The following DOK6 variants were observed in gnomAD, a reference collection of about 807,000 sequenced individuals.
DOK6 encodes the protein docking protein 6.
A neutral mutation model predicts 44.0 loss-of-function variants in DOK6; 22 were observed. That is an observed-to-expected ratio of 0.50 (90% CI 0.36 to 0.71). The LOEUF is 0.71. DOK6 is among the 30% of genes least tolerant of loss of function. The probability of loss-of-function intolerance (pLI) is 0.00; values close to 1 mark genes in which losing one functional copy is unlikely to be tolerated. For missense variants in DOK6, 340 were observed against 416.4 expected, an observed-to-expected ratio of 0.82 and a Z score of 1.60; for synonymous variants, 166 against 145.5, an observed-to-expected ratio of 1.14 and a Z score of -1.01.
chr18:69,733,896 A>T (rs774643785), intron 5 of DOK6, among the ~76,000 whole-genome samples: 1 of 152,124 alleles, frequency 6.6e-6, no homozygotes, highest in Non-Finnish European at 1.5e-5. Context: ...AACAAGAGGA[A>T]TTAGTGTTTT....
At chr18:69,446,191 T>C (rs933938651) in intron 1 of DOK6, among the ~76,000 whole-genome samples, 56 of 148,288 alleles carry the variant, frequency 3.8e-4, no homozygotes, top group African/African-American at 1.3e-3. Context: ...TATCTCCTAA[T>C]GCTATCCCTC....
At chr18:69,493,093 A>G (rs1980782537) in intron 1 of DOK6, among the ~76,000 whole-genome samples, 1 of 152,116 alleles carries the variant, frequency 6.6e-6, no homozygotes. Flanking sequence ...GTCACCAACA[A>G]TATTAAGATC....
intron 3 of DOK6, among the ~76,000 whole-genome samples, chr18:69,651,525 G>C (rs1599242510): frequency 9.0e-6 from 1 of 111,220 alleles, no homozygotes; most frequent in Non-Finnish European, 1.7e-5. Flanking sequence ...GTCTTGCCTT[G>C]TCACCCAGGC....
chr18:69,449,761 C>A (rs1022211171), intron 1 of DOK6, among the ~76,000 whole-genome samples: 120 of 151,660 alleles, frequency 7.9e-4, no homozygotes, highest in Non-Finnish European at 1.3e-3. Flanking sequence ...CCCTGACCCC[C>A]GAGCAGCCTA....
At chr18:69,401,654 C>T (rs1200605905) in intron 1 of DOK6, among the ~76,000 whole-genome samples, 1 of 152,020 alleles carries the variant, frequency 6.6e-6, no homozygotes, top group Admixed American at 6.5e-5. Flanking sequence ...ATGGTCTGTT[C>T]TCAAAAGTGT....
intron 1 of DOK6, among the ~76,000 whole-genome samples, chr18:69,523,263 A>G (rs1981736918): frequency 6.6e-6 from 1 of 152,132 alleles, no homozygotes; most frequent in Non-Finnish European, 1.5e-5. Flanking sequence ...ACAGACAGAT[A>G]CATTTTCATC....
intron 2 of DOK6, among the ~76,000 whole-genome samples, chr18:69,590,817 A>G (rs530713702): frequency 6.6e-6 from 1 of 152,254 alleles, no homozygotes; most frequent in South Asian, 2.1e-4. Flanking sequence ...TAATGTGAAG[A>G]GGAAGGAATA....
chr18:69,786,123 C>A (rs1171220688), intron 7 of DOK6, among the ~76,000 whole-genome samples: 1 of 152,070 alleles, frequency 6.6e-6, no homozygotes, highest in Non-Finnish European at 1.5e-5. Context: ...ATATTTATTT[C>A]TTAATGGTTT....
chr18:69,831,889 T>C (rs1345290607), intron 7 of DOK6, among the ~76,000 whole-genome samples: 2 of 152,356 alleles, frequency 1.3e-5, no homozygotes, highest in East Asian at 3.9e-4. Flanking sequence ...ATTGATTTTG[T>C]ATCCTGCAAC....
intron 6 of DOK6, among the ~76,000 whole-genome samples, chr18:69,755,736 G>A (rs1979334181): frequency 6.6e-6 from 1 of 152,204 alleles, no homozygotes; most frequent in Non-Finnish European, 1.5e-5. Context: ...GTTAGGTCCG[G>A]GGTAAAACTG....
chr18:69,496,003 G>A (rs1423427362), intron 1 of DOK6, among the ~76,000 whole-genome samples: 1 of 152,208 alleles, frequency 6.6e-6, no homozygotes. Context: ...TCTGAAACTT[G>A]CGGGGGGAGA....
chr18:69,540,674 A>G (rs1403110296), intron 1 of DOK6, among the ~76,000 whole-genome samples: 2 of 152,134 alleles, frequency 1.3e-5, no homozygotes, highest in African/African-American at 2.4e-5. Context: ...TAGTTTTTCA[A>G]TGATTACGGT....
chr18:69,577,021 G>A (rs1174042041), intron 2 of DOK6, among the ~76,000 whole-genome samples: 2 of 152,012 alleles, frequency 1.3e-5, no homozygotes, highest in African/African-American at 2.4e-5. Flanking sequence ...GCTTGTATTG[G>A]GACCAATCTC....
chr18:69,755,204 T>C (rs1979315615), intron 6 of DOK6, among the ~76,000 whole-genome samples: 1 of 152,158 alleles, frequency 6.6e-6, no homozygotes, highest in South Asian at 2.1e-4. Flanking sequence ...AAGCAAATCA[T>C]GTGGAAGAGT....
At chr18:69,542,717 C>T (rs1982301698) in intron 1 of DOK6, among the ~76,000 whole-genome samples, 1 of 151,154 alleles carries the variant, frequency 6.6e-6, no homozygotes, top group Non-Finnish European at 1.5e-5. Flanking sequence ...CGTTTCATTT[C>T]AAGGGAGCTT....
At chr18:69,721,921 A>T (rs1434518012) in intron 5 of DOK6, among the ~76,000 whole-genome samples, 1 of 152,232 alleles carries the variant, frequency 6.6e-6, no homozygotes, top group Non-Finnish European at 1.5e-5. Context: ...TATACCATAT[A>T]AAACCTGTTT....
chr18:69,636,559 T>A (rs1472184967), intron 3 of DOK6, among the ~76,000 whole-genome samples: 1 of 152,240 alleles, frequency 6.6e-6, no homozygotes, highest in African/African-American at 2.4e-5. Flanking sequence ...CACTCATGAA[T>A]GTCCCAGGAG....
At position 69,846,311 on chromosome 18, in the gene DOK6, G is replaced by A. The variant is rs1391600854; in HGVS notation, c.*4928G>A. 1 of 152,218 alleles carries A rather than the reference G, an allele frequency of 6.6e-6. No individual in the cohort carries two copies. Among genetic ancestry groups the A allele is most frequent in the African/African-American group, 2.4e-5 (1 of 41,464 alleles). The allele number at this position is 152,218 out of a possible 1,614,324, so 9.4% of individuals were successfully genotyped here. A position where few individuals can be genotyped will look rare whatever the true frequency, so the allele number is the denominator to read the frequency against. On this transcript the variant is annotated 3_prime_UTR_variant, in exon 8 of 8. Transcript: ENST00000382713. ...ATGCTGTAATTTGTTTAACGGCAAA[G>A]AAAGAGCCAAGAATTGTTTCTCGTA...
chr18:69,420,980 A>G (rs535253774), intron 1 of DOK6, among the ~76,000 whole-genome samples: 1 of 152,314 alleles, frequency 6.6e-6, no homozygotes, highest in Admixed American at 6.5e-5. Flanking sequence ...TCTCAAAGGT[A>G]ATGTCACTAA....
Sources: gnomAD v4.1 joint callset for allele counts (sites outside exome capture counted in the v4.1 genomes callset) on GRCh38, gnomAD v4.1.1 for gene constraint, MANE v1.5 for transcripts, NCBI Gene and HGNC (gene_info 2026-07-23, HGNC 2026-07-21) for gene names.